LNX1: variants seen among roughly 807,000 people sequenced by gnomAD.
LNX1 encodes the protein ligand of numb-protein X 1, also known as E3 ubiquitin-protein ligase LNX.
LNX1 carries 54 observed loss-of-function variants against 68.4 expected under a neutral mutation model. That is an observed-to-expected ratio of 0.79 (90% CI 0.63 to 0.99). The LOEUF (loss-of-function observed/expected upper bound fraction) is 0.99. LNX1 is among the 50% of genes least tolerant of loss of function. The pLI is 0.00. For synonymous variants in LNX1, 336 were observed against 350.0 expected (o/e 0.96, Z 0.45); for missense variants, 906 against 926.4 (o/e 0.98, Z 0.29).
intron 2 of LNX1, among the ~76,000 whole-genome samples, chr4:53,520,007 G>A (rs879919157): frequency 3.9e-5 from 6 of 152,196 alleles, no homozygotes; most frequent in Non-Finnish European, 7.3e-5. Context: ...AGTTGTGAAT[G>A]CTCATAACCA....
intron 2 of LNX1, among the ~76,000 whole-genome samples, chr4:53,547,669 G>C (rs1206795762): frequency 6.6e-6 from 1 of 152,152 alleles, no homozygotes; most frequent in African/African-American, 2.4e-5. Context: ...TTGGCTCATG[G>C]GGCAACCAGG....
chr4:53,529,102 A>AACACACACACACACAC (rs201017055), intron 2 of LNX1, among the ~76,000 whole-genome samples: 19,332 of 137,892 alleles, frequency 0.14, 1,736 homozygotes, highest in Non-Finnish European at 0.19. Context: ...AGTCCTGACC[A>AACACACACACACACAC]ACACACACAC....
chr4:53,627,216 A>G (rs2572291), intron 1 of LNX1, among the ~76,000 whole-genome samples: 109,068 of 152,074 alleles, frequency 0.72, 39,687 homozygotes, highest in East Asian at 0.91. Flanking sequence ...CCTAGATTGT[A>G]TGATGGGAAC....
chr4:53,518,128 C>T (rs1726931937), intron 2 of LNX1, among the ~76,000 whole-genome samples: 1 of 152,208 alleles, frequency 6.6e-6, no homozygotes, highest in Non-Finnish European at 1.5e-5. Context: ...CCATCATGGG[C>T]ACCTGGAATC....
intron 2 of LNX1, among the ~76,000 whole-genome samples, chr4:53,519,875 A>G (rs1453840429): frequency 6.6e-6 from 1 of 152,236 alleles, no homozygotes; most frequent in Non-Finnish European, 1.5e-5. Context: ...ACCATCTCAG[A>G]TTGCCCAGGA....
chr4:53,628,178 T>C (rs2109868472), intron 1 of LNX1, among the ~76,000 whole-genome samples: 1 of 152,190 alleles, frequency 6.6e-6, no homozygotes, highest in African/African-American at 2.4e-5. Context: ...GTAAGACTCT[T>C]CTTGAAAATA....
chr4:53,637,228 G>A (rs1277139317), intron 1 of LNX1, among the ~76,000 whole-genome samples: 1 of 151,864 alleles, frequency 6.6e-6, no homozygotes. Flanking sequence ...GGACTGCCTT[G>A]GCCCCTAAGA....
chr4:53,522,010 G>A (rs1418179024), intron 2 of LNX1, among the ~76,000 whole-genome samples: 1 of 152,048 alleles, frequency 6.6e-6, no homozygotes, highest in Admixed American at 6.6e-5. Flanking sequence ...GCCCAGGCTG[G>A]TCTTGAATTT....
chr4:53,604,289 T>G (rs1733141505), intron 2 of LNX1, among the ~76,000 whole-genome samples: 1 of 152,234 alleles, frequency 6.6e-6, no homozygotes, highest in African/African-American at 2.4e-5. Flanking sequence ...ATGTTCTCCT[T>G]AAGCTGGATA....
intron 2 of LNX1, among the ~76,000 whole-genome samples, chr4:53,600,273 T>A (rs913603868): frequency 6.6e-6 from 1 of 152,092 alleles, no homozygotes; most frequent in Non-Finnish European, 1.5e-5. Flanking sequence ...TCATAATAAC[T>A]AGTAACATAA....
intron 2 of LNX1, among the ~76,000 whole-genome samples, chr4:53,509,439 T>C (rs928710648): frequency 3.3e-5 from 5 of 152,208 alleles, no homozygotes; most frequent in South Asian, 2.1e-4. Flanking sequence ...TTACTGCCCA[T>C]AGAATCATAG....
chr4:53,618,057 C>A (rs575801923), upstream of LNX1, among the ~76,000 whole-genome samples: 1 of 152,006 alleles, frequency 6.6e-6, no homozygotes, highest in Non-Finnish European at 1.5e-5. Context: ...TTTTTATAAT[C>A]AAAAGATACT....
chr4:53,503,339 C>G (rs1725639491), intron 4 of LNX1, among the ~76,000 whole-genome samples: 1 of 152,144 alleles, frequency 6.6e-6, no homozygotes, highest in South Asian at 2.1e-4. Context: ...GCAGCTATAG[C>G]CTTTCGAAAT....
At chr4:53,508,395 T>C in intron 2 of LNX1, 168 bp from the exon 3 acceptor site, 1 of 795,996 alleles carries the variant, frequency 1.3e-6, no homozygotes, top group East Asian at 2.7e-5. Flanking sequence ...CGGTACTCAA[T>C]ATACATTTGC....
At chr4:53,583,803 C>T (rs1731981503) in intron 1 of LNX1, among the ~76,000 whole-genome samples, 1 of 152,128 alleles carries the variant, frequency 6.6e-6, no homozygotes, top group Admixed American at 6.5e-5. Context: ...TGTTCCTTCT[C>T]TTGACGAGAT....
chr4:53,640,640 A>T (rs1478139034), intron 1 of LNX1, among the ~76,000 whole-genome samples: 1 of 152,228 alleles, frequency 6.6e-6, no homozygotes, highest in Non-Finnish European at 1.5e-5. Context: ...ATAACCCCCA[A>T]AATATATTAG....
At chr4:53,583,421 C>T (rs1360914435) in intron 1 of LNX1, among the ~76,000 whole-genome samples, 4 of 152,072 alleles carry the variant, frequency 2.6e-5, no homozygotes, top group Admixed American at 1.3e-4. Context: ...TACAGGCTGC[C>T]GCCAAGGTCG....
At chr4:53,518,746 C>T (rs1293397138) in intron 2 of LNX1, among the ~76,000 whole-genome samples, 2 of 152,158 alleles carry the variant, frequency 1.3e-5, no homozygotes, top group African/African-American at 2.4e-5. Context: ...TTGAAGTGTG[C>T]ACCTCAGGAC....
In LNX1 at chr4:53,573,738, T is replaced by C; in HGVS notation, c.265A>G (p.Lys89Glu). The change falls in exon 2 of 11, where the codon AAG becomes GAG. Residue 89 changes from lysine to glutamate, a missense_variant. Transcript: ENST00000263925. ...AGTTTGTTGACCAGGATGCTGGACT[T>C]CTTGCAGTGCTGCAGAACCAGAGGC... is the stretch of plus-strand genomic sequence containing the variant. ...RKPLVLQHCK[K>E]SSILVNKLLN... 6.2e-7 allele frequency: 1 copy of C among 1,611,748 alleles called. No individual in the cohort carries two copies. The highest frequency in any genetic ancestry group is 8.5e-7 in the Non-Finnish European group (1 of 1,179,022).
Sources: allele counts gnomAD v4.1 joint callset (sites outside exome capture counted in the v4.1 genomes callset), GRCh38; gene constraint gnomAD v4.1.1; transcripts MANE v1.5; gene names NCBI Gene and HGNC (gene_info 2026-07-23, HGNC 2026-07-21).